The following ALK variants were observed in gnomAD, a reference collection of about 807,000 sequenced individuals.
The protein encoded by ALK is ALK receptor tyrosine kinase.
ALK carries 74 observed loss-of-function variants against 163.1 expected under a neutral mutation model. That is an observed-to-expected ratio of 0.45 (90% CI 0.38 to 0.55). The LOEUF (loss-of-function observed/expected upper bound fraction) is 0.55. Ranked by LOEUF, ALK falls within the 20% of genes least tolerant of loss-of-function variation. The pLI, the probability that ALK is intolerant of heterozygous loss-of-function variation, is 0.00. For synonymous variants in ALK, 960 were observed against 843.2 expected, an observed-to-expected ratio of 1.14 and a Z score of -2.40; for missense variants, 2,063 against 2,105.3, an observed-to-expected ratio of 0.98 and a Z score of 0.39.
At chr2:29,525,750 C>A (rs1449427497) in intron 4 of ALK, among the ~76,000 whole-genome samples, 1 of 142,836 alleles carries the variant, frequency 7.0e-6, no homozygotes, top group Non-Finnish European at 1.5e-5. Flanking sequence ...GAGATCACGC[C>A]ACTACACTCC....
Position 29,796,744 on chromosome 2 carries a change from A to G in ALK, c.668-79047T>C, listed in dbSNP as rs149456235. The stretch of plus-strand genomic sequence containing the variant: ...CATTTCAAAGCTCAGAAAGATGCAA[A>G]TGGAGCTGCAACTACCTTAAAAGAA... On this transcript the variant is annotated intron_variant, in intron 1 of 28. Coordinates refer to ENST00000389048, the MANE Select transcript of ALK (RefSeq NM_004304.5). Among the ~76,000 whole-genome samples, 30 of 152,254 alleles carry G rather than the reference A, an allele frequency of 2.0e-4. No individual in the cohort carries two copies. In the East Asian group the frequency reaches 5.2e-3, roughly 26 times the overall value.
rs567839501 is a variant in ALK, at chr2:29,381,821, T to C, written c.1282+1911A>G. Among the ~76,000 whole-genome samples, 28 of 152,296 alleles carry C rather than the reference T, an allele frequency of 1.8e-4. No individual in the cohort carries two copies. The East Asian group carries it at 4.8e-3, about 26-fold the overall frequency. On this transcript the variant is annotated intron_variant, in intron 5 of 28. Coordinates refer to ENST00000389048, the MANE Select transcript of ALK (RefSeq NM_004304.5). ...TAAAGTAACCCCTTCCCTTTAAATA[T>C]GAGTGTAATTTTAGGATGATTCTTA...
chr2:29,717,443 T>A (rs1362132139), intron 2 of ALK, 135 bp downstream of exon 2: 2 of 1,069,304 alleles, frequency 1.9e-6, no homozygotes, highest in East Asian at 5.0e-5. Context: ...GACAGAGGGC[T>A]CAGAAAGACT....
At chr2:29,822,942 T>C (rs962059831) in intron 1 of ALK, among the ~76,000 whole-genome samples, 1 of 152,206 alleles carries the variant, frequency 6.6e-6, no homozygotes, top group Non-Finnish European at 1.5e-5. Context: ...AATAGAAAGA[T>C]ACTGTTCCAG....
intron 3 of ALK, among the ~76,000 whole-genome samples, chr2:29,661,828 A>G (rs1035402470): frequency 6.6e-6 from 1 of 152,192 alleles, no homozygotes; most frequent in Non-Finnish European, 1.5e-5. Context: ...ACAGAGGCCA[A>G]TGTAAGAAAT....
At chr2:29,261,155 TC>T (rs1665078980) in intron 11 of ALK, among the ~76,000 whole-genome samples, 1 of 152,182 alleles carries the variant, frequency 6.6e-6, no homozygotes, top group Non-Finnish European at 1.5e-5. Context: ...AGCAACTATC[TC>T]TTGGCTACTT....
At chr2:29,480,540 A>T (rs1187433180) in intron 4 of ALK, among the ~76,000 whole-genome samples, 2 of 152,068 alleles carry the variant, frequency 1.3e-5, no homozygotes, top group Non-Finnish European at 2.9e-5. Flanking sequence ...GTCCTAGGTG[A>T]TTGTCTGTTA....
At chr2:29,623,268 C>T (rs548176751) in intron 3 of ALK, among the ~76,000 whole-genome samples, 7 of 152,306 alleles carry the variant, frequency 4.6e-5, no homozygotes, top group Admixed American at 2.0e-4. Context: ...GTATTTATAG[C>T]AGTGTTACTT....
At position 29,710,056 on chromosome 2, in the gene ALK, G is replaced by C. The variant is rs112563766; in HGVS notation, c.787+7522C>G. 5.5e-3 allele frequency among the ~76,000 whole-genome samples: 833 copies of C among 152,204 alleles called. 4 individuals carry two copies. Among genetic ancestry groups the C allele is most frequent in the Middle Eastern group, 0.034 (10 of 294 alleles). ...CCCTGTGCAAGGTAATTGAATCATG[G>C]GGGCAGGTCTTCCGCATGTTGTTCT... On this transcript the variant is annotated intron_variant, in intron 2 of 28. Coordinates refer to ENST00000389048, the MANE Select transcript of ALK (RefSeq NM_004304.5).
At chr2:29,601,878 G>A (rs1675388342) in intron 3 of ALK, among the ~76,000 whole-genome samples, 2 of 152,020 alleles carry the variant, frequency 1.3e-5, no homozygotes, top group South Asian at 4.2e-4. Flanking sequence ...AGGGGAGATA[G>A]AAACTCTGAG....
chr2:29,600,205 G>A (rs1675343791), intron 3 of ALK, among the ~76,000 whole-genome samples: 1 of 152,058 alleles, frequency 6.6e-6, no homozygotes, highest in African/African-American at 2.4e-5. Flanking sequence ...GTGGCTTCTG[G>A]CAGAAGATGA....
intron 3 of ALK, among the ~76,000 whole-genome samples, chr2:29,673,045 T>A (rs1677754220): frequency 7.6e-6 from 1 of 131,458 alleles, no homozygotes; most frequent in African/African-American, 3.3e-5. Context: ...TCTTGTAAAT[T>A]TGTTTGAGTT....
At chr2:29,446,862 G>A (rs982348373) in intron 4 of ALK, among the ~76,000 whole-genome samples, 3 of 152,196 alleles carry the variant, frequency 2.0e-5, no homozygotes, top group Non-Finnish European at 2.9e-5. Context: ...CCTTCCAGCT[G>A]TTTTATAAAA....
intron 1 of ALK, among the ~76,000 whole-genome samples, chr2:29,898,458 A>G (rs1311479467): frequency 6.6e-6 from 1 of 152,250 alleles, no homozygotes; most frequent in Non-Finnish European, 1.5e-5. Flanking sequence ...GCACCAGAGA[A>G]AAAGCTGATA....
chr2:29,221,860 G>C (rs11687657), intron 22 of ALK, among the ~76,000 whole-genome samples: 54,987 of 152,126 alleles, frequency 0.36, 11,513 homozygotes, highest in Non-Finnish European at 0.47. Flanking sequence ...CATAGGCACT[G>C]AGACTCTCAG....
intron 3 of ALK, among the ~76,000 whole-genome samples, chr2:29,626,679 C>G (rs1325815916): frequency 6.6e-6 from 1 of 152,190 alleles, no homozygotes; most frequent in Non-Finnish European, 1.5e-5. Context: ...GACAAGGTGG[C>G]CATATGCAAG....
At chr2:29,253,628 G>A (rs532700966) in intron 11 of ALK, among the ~76,000 whole-genome samples, 7 of 152,096 alleles carry the variant, frequency 4.6e-5, no homozygotes, top group African/African-American at 1.7e-4. Flanking sequence ...TGGGGAGGAG[G>A]GATGGGGGCA....
intron 23 of ALK, among the ~76,000 whole-genome samples, chr2:29,218,003 T>G (rs1360279114): frequency 6.6e-6 from 1 of 152,204 alleles, no homozygotes; most frequent in African/African-American, 2.4e-5. Flanking sequence ...GTCCACTGAA[T>G]CCTCATCTTA....
At chr2:29,454,861 T>C (rs1469140379) in intron 4 of ALK, among the ~76,000 whole-genome samples, 1 of 152,158 alleles carries the variant, frequency 6.6e-6, no homozygotes, top group African/African-American at 2.4e-5. Flanking sequence ...CTATTAAAGT[T>C]ATATACTATT....
Sources: gnomAD v4.1 joint callset for allele counts (sites outside exome capture counted in the v4.1 genomes callset) on GRCh38, gnomAD v4.1.1 for gene constraint, MANE v1.5 for transcripts, NCBI Gene and HGNC (gene_info 2026-07-23, HGNC 2026-07-21) for gene names.